The following N4BP2L2 variants were observed in gnomAD, a reference collection of about 807,000 sequenced individuals.
The protein encoded by N4BP2L2 is NEDD4-binding protein 2-like 2.
Under a neutral mutation model 56.2 loss-of-function variants are expected in N4BP2L2, and 50 were observed. The ratio of observed to expected loss-of-function variants is 0.89; its 90% CI spans 0.71 to 1.13. The LOEUF is 1.13. Among genes scored for constraint, N4BP2L2 ranks in the 50% most tolerant of loss-of-function variants. The pLI, the probability that N4BP2L2 is intolerant of heterozygous loss-of-function variation, is 0.00. For synonymous variants in N4BP2L2, 203 were observed against 223.6 expected (o/e 0.91, Z 0.82); for missense variants, 689 against 693.8 (o/e 0.99, Z 0.08).
chr13:32,488,611 G>A (rs987642384), intron 6 of N4BP2L2, among the ~76,000 whole-genome samples: 5 of 151,972 alleles, frequency 3.3e-5, no homozygotes, highest in Non-Finnish European at 5.9e-5. Flanking sequence ...TTTTAATAAA[G>A]GTATGTATAT....
rs560423158 is a variant in N4BP2L2, at chr13:32,476,436, A to C, written c.366-32310T>G. Among the ~76,000 whole-genome samples, 12 of 152,344 alleles carry C rather than the reference A, an allele frequency of 7.9e-5. No homozygotes were observed. In the South Asian group the frequency reaches 2.5e-3, roughly 32 times the overall value. ...GTGGAATTCTGATGCTGAGTGGATTAGGGTAGGGAACATCACATCTAAGGA... is the reference window on the plus strand; with the variant it reads ...GTGGAATTCTGATGCTGAGTGGATTCGGGTAGGGAACATCACATCTAAGGA... On this transcript the variant is annotated intron_variant, in intron 6 of 9. Coordinates refer to the N4BP2L2 transcript ENST00000357505.
chr13:32,452,616 T>G (rs1355370809), intron 6 of N4BP2L2, among the ~76,000 whole-genome samples: 1 of 152,188 alleles, frequency 6.6e-6, no homozygotes, highest in Non-Finnish European at 1.5e-5. Flanking sequence ...ATAAAACACA[T>G]CTAAAAGCTT....
intron 6 of N4BP2L2, among the ~76,000 whole-genome samples, chr13:32,450,861 C>T (rs1464887284): frequency 8.2e-6 from 1 of 121,234 alleles, no homozygotes; most frequent in Non-Finnish European, 1.7e-5. Context: ...TCCCTCCCAC[C>T]CCATCCCCTT....
chr13:32,441,455 G>T (rs1230576910), intron 7 of N4BP2L2, among the ~76,000 whole-genome samples: 1 of 151,766 alleles, frequency 6.6e-6, no homozygotes, highest in Non-Finnish European at 1.5e-5. Context: ...AGGCTGAGGC[G>T]GGTAGATCAC....
At chr13:32,454,167 A>G (rs2078566510) in intron 6 of N4BP2L2, among the ~76,000 whole-genome samples, 1 of 152,198 alleles carries the variant, frequency 6.6e-6, no homozygotes, top group Admixed American at 6.5e-5. Context: ...ACAAGCAGGA[A>G]ATGAAGACAA....
intron 3 of N4BP2L2, 70 bp downstream of exon 3, chr13:32,527,338 G>T: frequency 6.5e-7 from 1 of 1,544,972 alleles, no homozygotes; most frequent in Non-Finnish European, 8.8e-7. Flanking sequence ...AACCTAAGCT[G>T]AAAATAAAAT....
At chr13:32,491,632 TA>T (rs1371458984) in intron 6 of N4BP2L2, among the ~76,000 whole-genome samples, 161 of 111,278 alleles carry the variant, frequency 1.4e-3, no homozygotes, top group South Asian at 8.7e-3. Context: ...TATATATATA[TA>T]TATTTTTTTT....
At chr13:32,509,057 A>T (rs1162869579), downstream of N4BP2L2, 1 of 152,176 alleles carries the variant, frequency 6.6e-6, no homozygotes, top group Non-Finnish European at 1.5e-5. Flanking sequence ...ATGGAAGAAA[A>T]GGCTCTGATA....
chr13:32,450,632 T>C lies in N4BP2L2; in HGVS notation c.366-6506A>G, dbSNP rs577132432. On this transcript the variant is annotated intron_variant, in intron 6 of 9. Transcript: ENST00000357505. ...AGCCACTGCGCCCGGCTTTTTTTGTTTTTGTTTTTTTTTTATAAGACAGAA... is the reference window on the plus strand; with the variant it reads ...AGCCACTGCGCCCGGCTTTTTTTGTCTTTGTTTTTTTTTTATAAGACAGAA... 1.2e-4 allele frequency among the ~76,000 whole-genome samples: 8 copies of C among 64,774 alleles called. No homozygotes were observed. The South Asian group carries it at 6.8e-3, about 55-fold the overall frequency. The allele number at this position is 64,774 out of a possible 152,430, so 42.5% of individuals were successfully genotyped here. A position where few individuals can be genotyped will look rare whatever the true frequency, so the allele number is the denominator to read the frequency against.
chr13:32,500,248 T>C (rs1374135636), intron 6 of N4BP2L2, among the ~76,000 whole-genome samples: 2 of 152,190 alleles, frequency 1.3e-5, no homozygotes, highest in East Asian at 3.9e-4. Context: ...TAGCAACTTA[T>C]CCACATCTTG....
chr13:32,446,431 A>T, intron 6 of N4BP2L2: 1 of 1,358,824 alleles, frequency 7.4e-7, no homozygotes. Context: ...GCAGACTAGT[A>T]TGTCATTCTG....
chr13:32,522,363 C>T, intron 3 of N4BP2L2, 93 bp from the exon 4 acceptor site: 1 of 824,968 alleles, frequency 1.2e-6, no homozygotes, highest in Non-Finnish European at 1.8e-6. Context: ...TACTACGTCT[C>T]TGTACTTAAA....
intron 6 of N4BP2L2, among the ~76,000 whole-genome samples, chr13:32,493,195 G>T (rs2087622332): frequency 6.6e-6 from 1 of 152,036 alleles, no homozygotes; most frequent in Non-Finnish European, 1.5e-5. Context: ...AAAGTGCTGG[G>T]ATTACAGGTT....
At chr13:32,447,989 C>T (rs2077301658) in intron 6 of N4BP2L2, among the ~76,000 whole-genome samples, 1 of 152,160 alleles carries the variant, frequency 6.6e-6, no homozygotes, top group Admixed American at 6.5e-5. Context: ...AAAGGAATCT[C>T]TAAGGATTAG....
At chr13:32,538,827 G>A (rs11619073), upstream of N4BP2L2, 36 of 985,460 alleles carry the variant, frequency 3.7e-5, no homozygotes, top group Middle Eastern at 5.2e-4. Context: ...GCCAAAACTA[G>A]GCGTTTGCGC....
chr13:32,517,520 AT>A, exon 6 of N4BP2L2: 1 of 1,128,664 alleles, frequency 8.9e-7, no homozygotes, highest in South Asian at 3.0e-5. Context: ...TTAAAATTCG[AT>A]TGTAGAAAAA....
rs116660708 is a variant in N4BP2L2 at position 32,476,523 on chromosome 13, A to G, written c.366-32397T>C. 9.4e-3 allele frequency among the ~76,000 whole-genome samples: 1,427 copies of G among 152,322 alleles called. 26 individuals carry two copies. The highest frequency in any genetic ancestry group is 0.033 in the African/African-American group (1,361 of 41,566). ...TGTCTAGTCTAGAAAACTGCAGACC[A>G]GTAATTTAGAATGATCTCAGGCTGG... is the stretch of plus-strand genomic sequence containing the variant. On this transcript the variant is annotated intron_variant, in intron 6 of 9. Coordinates refer to the N4BP2L2 transcript ENST00000357505.
chr13:32,500,206 T>C (rs1233011004), intron 6 of N4BP2L2, among the ~76,000 whole-genome samples: 1 of 152,122 alleles, frequency 6.6e-6, no homozygotes, highest in African/African-American at 2.4e-5. Context: ...ACCAAACACA[T>C]TTCTTGGAAG....
rs529414936 is a variant in N4BP2L2 at position 32,446,526 on chromosome 13, C to T, written c.366-2400G>A. ...AAAGAACAAATAGAGTTTGTTGTTG[C>T]GTTATTCATTCGATTAAATGGTAAA... On this transcript the variant is annotated intron_variant, in intron 6 of 9. Transcript: ENST00000357505. 43 of 1,297,316 alleles carry T rather than the reference C, an allele frequency of 3.3e-5. No homozygotes were observed. In the East Asian group the frequency reaches 1.1e-3, roughly 32 times the overall value. 80.4% of individuals were successfully genotyped at this position (1,297,316 alleles called of 1,614,324 possible).
Sources: gnomAD v4.1 joint callset for allele counts (sites outside exome capture counted in the v4.1 genomes callset) on GRCh38, gnomAD v4.1.1 for gene constraint, MANE v1.5 for transcripts, NCBI Gene and HGNC (gene_info 2026-07-23, HGNC 2026-07-21) for gene names.